Variants in ROR2 observed in about 807,000 individuals in gnomAD.
ROR2 encodes the protein ROR family WNT receptor 2, also known as tyrosine-protein kinase transmembrane receptor ROR2.
Under a neutral mutation model 74.9 loss-of-function variants are expected in ROR2, and 33 were observed. The observed-to-expected ratio is 0.44, with a 90% CI of 0.33 to 0.59. ROR2 has a LOEUF of 0.59. ROR2 is among the 20% of genes least tolerant of loss of function. The pLI is 0.02. For synonymous variants in ROR2, 586 were observed against 558.7 expected (o/e 1.05, Z -0.69); for missense variants, 1,216 against 1,313.8 (o/e 0.93, Z 1.15).
intron 1 of ROR2, among the ~76,000 whole-genome samples, chr9:91,806,685 G>GA (rs1827558910): frequency 6.6e-6 from 1 of 152,154 alleles, no homozygotes; most frequent in Non-Finnish European, 1.5e-5. Flanking sequence ...TGCCTCCCGG[G>GA]TTCACGCCAT....
At chr9:91,843,946 GGCCTCTGAAGGCCACTTTCCTGCAGAGC>G (rs1563994672) in intron 1 of ROR2, among the ~76,000 whole-genome samples, 1 of 152,204 alleles carries the variant, frequency 6.6e-6, no homozygotes, top group Admixed American at 6.5e-5. Context: ...CTGCACCTCT[GGCCTCTGAAGGCCACTTTCCTGCAGAGC>G]GGGGCCTTTC....
At chr9:91,857,524 G>A (rs745838745) in intron 1 of ROR2, among the ~76,000 whole-genome samples, 2 of 152,176 alleles carry the variant, frequency 1.3e-5, no homozygotes, top group African/African-American at 2.4e-5. Flanking sequence ...CAGGAGACTC[G>A]CAGGCACCAT....
intron 5 of ROR2, among the ~76,000 whole-genome samples, chr9:91,736,560 ATG>A (rs1426953298): frequency 6.6e-6 from 1 of 152,186 alleles, no homozygotes; most frequent in Non-Finnish European, 1.5e-5. Context: ...TCTGCACAGG[ATG>A]TGTCTTGCTC....
At chr9:91,814,450 G>C (rs1827861690) in intron 1 of ROR2, among the ~76,000 whole-genome samples, 1 of 152,046 alleles carries the variant, frequency 6.6e-6, no homozygotes. Context: ...AGGCTCCGGA[G>C]GGCCCTGGCA....
intron 2 of ROR2, among the ~76,000 whole-genome samples, chr9:91,772,558 C>T (rs918772224): frequency 1.3e-5 from 2 of 152,170 alleles, no homozygotes; most frequent in South Asian, 4.1e-4. Flanking sequence ...AGAAAGGCAG[C>T]CCGGCCTTCT....
At chr9:91,860,004 G>A (rs1171783303) in intron 1 of ROR2, among the ~76,000 whole-genome samples, 1 of 152,196 alleles carries the variant, frequency 6.6e-6, no homozygotes, top group Non-Finnish European at 1.5e-5. Flanking sequence ...GGATGAGTAA[G>A]GGAGCTCGTC....
At chr9:91,777,498 G>C (rs1826460641) in intron 1 of ROR2, among the ~76,000 whole-genome samples, 1 of 151,596 alleles carries the variant, frequency 6.6e-6, no homozygotes, top group Non-Finnish European at 1.5e-5. Context: ...CATTTAAATG[G>C]CTCTACTGTG....
At chr9:91,909,871 T>TA (rs1830928697) in intron 1 of ROR2, among the ~76,000 whole-genome samples, 1 of 122,010 alleles carries the variant, frequency 8.2e-6, no homozygotes, top group Admixed American at 9.1e-5. Context: ...TTTTTTTTTT[T>TA]AGTTTTTTTC....
At chr9:91,835,502 G>C (rs1204296284) in intron 1 of ROR2, among the ~76,000 whole-genome samples, 1 of 151,954 alleles carries the variant, frequency 6.6e-6, no homozygotes, top group Non-Finnish European at 1.5e-5. Flanking sequence ...CATGCTCAGA[G>C]TTAAATGTAG....
At chr9:91,915,144 C>G (rs1831095786) in intron 1 of ROR2, among the ~76,000 whole-genome samples, 1 of 152,156 alleles carries the variant, frequency 6.6e-6, no homozygotes, top group South Asian at 2.1e-4. Context: ...AGCTCAGCAG[C>G]TGGTCGGAGT....
At chr9:91,776,194 C>T (rs2118936040) in intron 1 of ROR2, among the ~76,000 whole-genome samples, 1 of 152,284 alleles carries the variant, frequency 6.6e-6, no homozygotes, top group East Asian at 1.9e-4. Flanking sequence ...CCGCAGACTG[C>T]CCTCCAGATG....
chr9:91,939,678 T>C (rs1831796709), intron 1 of ROR2, among the ~76,000 whole-genome samples: 1 of 151,884 alleles, frequency 6.6e-6, no homozygotes, highest in South Asian at 2.1e-4. Context: ...AAGGAGAAAA[T>C]TGAGTATTTT....
In ROR2 at chr9:91,730,929, C is replaced by G; in HGVS notation, c.1164G>C (p.Leu388=). Residue 388 remains leucine, a synonymous_variant, in exon 7 of 9, where the codon CTG becomes CTC. Coordinates refer to ENST00000375708, the MANE Select transcript of ROR2 (RefSeq NM_004560.4). ...FTQNKNVRME[L]CDVPSCSPRD... Reference sequence around the variant, plus strand: ...ACATACTACACGAGGGTACGTCACACAGTTCCATGCGTACGTTTTTATTCT... The same window carrying G: ...ACATACTACACGAGGGTACGTCACAGAGTTCCATGCGTACGTTTTTATTCT... 7 of 1,614,178 alleles carry G rather than the reference C, an allele frequency of 4.3e-6. No homozygotes were observed. Among genetic ancestry groups the G allele is most frequent in the Non-Finnish European group, 5.9e-6 (7 of 1,180,036 alleles).
At chr9:91,756,895 C>T (rs1437859536) in intron 3 of ROR2, among the ~76,000 whole-genome samples, 1 of 151,718 alleles carries the variant, frequency 6.6e-6, no homozygotes, top group Admixed American at 6.6e-5. Flanking sequence ...GGATTACAGG[C>T]GCCCGCCACC....
chr9:91,862,339 A>AAGGAGGAGG (rs1451437681), intron 1 of ROR2, among the ~76,000 whole-genome samples: 129 of 151,898 alleles, frequency 8.5e-4, no homozygotes, highest in African/African-American at 2.9e-3. Context: ...CCAAAAAAAA[A>AAGGAGGAGG]AGGAGGAGGA....
chr9:91,878,906 G>A (rs965901561), intron 1 of ROR2, among the ~76,000 whole-genome samples: 2 of 152,094 alleles, frequency 1.3e-5, no homozygotes, highest in Admixed American at 6.6e-5. Context: ...TGAAACCATG[G>A]TGGCAGGCGC....
At chr9:91,845,418 C>A (rs1264418890) in intron 1 of ROR2, among the ~76,000 whole-genome samples, 1 of 152,128 alleles carries the variant, frequency 6.6e-6, no homozygotes, top group Non-Finnish European at 1.5e-5. Flanking sequence ...ACCAGCGCAC[C>A]ATCCCATCTA....
At chr9:91,767,605 A>G (rs576779251) in intron 2 of ROR2, among the ~76,000 whole-genome samples, 1 of 152,340 alleles carries the variant, frequency 6.6e-6, no homozygotes, top group South Asian at 2.1e-4. Context: ...AAGGACATAA[A>G]GCTGCTCCTC....
chr9:91,764,970 T>C (rs1374906738), intron 2 of ROR2, among the ~76,000 whole-genome samples: 2 of 152,216 alleles, frequency 1.3e-5, no homozygotes, highest in African/African-American at 4.8e-5. Context: ...ATTTTCAATA[T>C]TTTTCCTTTG....
Sources: allele counts gnomAD v4.1 joint callset (sites outside exome capture counted in the v4.1 genomes callset), GRCh38; gene constraint gnomAD v4.1.1; transcripts MANE v1.5; gene names NCBI Gene and HGNC (gene_info 2026-07-23, HGNC 2026-07-21).